RELCH: variants seen among roughly 807,000 people sequenced by gnomAD.
The protein encoded by RELCH is RAB11 binding and LisH domain, coiled-coil and HEAT repeat containing.
Under a neutral mutation model 150.3 loss-of-function variants are expected in RELCH, and 41 were observed. That is an observed-to-expected ratio of 0.27 (90% CI 0.21 to 0.35). The LOEUF (loss-of-function observed/expected upper bound fraction) is 0.35, where lower values mean the gene tolerates loss of function less well. RELCH is among the 10% of genes least tolerant of loss of function. The pLI is 1.00. For synonymous variants in RELCH, 478 were observed against 531.8 expected (o/e 0.90, Z 1.39); for missense variants, 1,092 against 1,467.8 (o/e 0.74, Z 4.18).
chr18:62,282,476 T>C (rs1009219050), intron 25 of RELCH, 32 bp downstream of exon 25: 1 of 1,605,880 alleles, frequency 6.2e-7, no homozygotes, highest in Non-Finnish European at 8.5e-7. Context: ...TTTTCCTGAA[T>C]TGTAATGTAA....
chr18:62,273,693 C>A (rs1568416526), intron 20 of RELCH, among the ~76,000 whole-genome samples: 1 of 152,098 alleles, frequency 6.6e-6, no homozygotes, highest in Non-Finnish European at 1.5e-5. Context: ...GGAACTGAAT[C>A]TTTCACTTTA....
chr18:62,309,849 G>T lies in RELCH; in HGVS notation c.*4315G>T, dbSNP rs529672955. ...GTAAAATATATGTAGTTTATAAACT[G>T]GTATTTTGTGTTGTGTGTTATGTAT... On this transcript the variant is annotated 3_prime_UTR_variant, in exon 29 of 29. Coordinates refer to ENST00000644646, the MANE Select transcript of RELCH (RefSeq NM_001346231.2). 2.0e-5 allele frequency: 3 copies of T among 152,224 alleles called. No individual in the cohort carries two copies. The highest frequency in any genetic ancestry group is 4.4e-5 in the Non-Finnish European group (3 of 68,002). 9.4% of individuals were successfully genotyped at this position (152,224 alleles called of 1,614,324 possible).
At chr18:62,251,445 A>C (rs1450439560) in intron 11 of RELCH, among the ~76,000 whole-genome samples, 12 of 152,340 alleles carry the variant, frequency 7.9e-5, no homozygotes, top group Middle Eastern at 3.4e-3. Flanking sequence ...GGGTCTCTCC[A>C]ACATGGCAGC....
At chr18:62,215,538 T>A (rs1459204541) in intron 2 of RELCH, among the ~76,000 whole-genome samples, 1 of 152,206 alleles carries the variant, frequency 6.6e-6, no homozygotes, top group Admixed American at 6.5e-5. Flanking sequence ...GAGGAAGGGA[T>A]CTCTAAAGGA....
intron 15 of RELCH, 88 bp from the exon 16 acceptor site, chr18:62,261,423 C>A: frequency 8.2e-7 from 1 of 1,224,196 alleles, no homozygotes; most frequent in Non-Finnish European, 1.2e-6. Context: ...CTTTGATTTG[C>A]CACAGTAAGG....
chr18:62,277,801 T>A, intron 22 of RELCH: 4 of 815,474 alleles, frequency 4.9e-6, no homozygotes, highest in Non-Finnish European at 5.9e-6. Flanking sequence ...TAAAATTATT[T>A]TATAAGAGGA....
intron 26 of RELCH, among the ~76,000 whole-genome samples, chr18:62,289,745 T>C (rs550332059): frequency 6.6e-6 from 1 of 152,364 alleles, no homozygotes; most frequent in East Asian, 1.9e-4. Context: ...TAAAGGTGTT[T>C]CCTAATATCT....
In RELCH at chr18:62,187,412, G is replaced by T; in HGVS notation, c.-94G>T. On this transcript the variant is annotated 5_prime_UTR_variant, in exon 1 of 29. Coordinates refer to ENST00000644646, the MANE Select transcript of RELCH (RefSeq NM_001346231.2). The stretch of plus-strand genomic sequence containing the variant: ...GGCAGGACGTGGTCAGGCCGGGGCT[G>T]TGGAGGTGCGCTGTGTCCCCTGAGG... The T allele has an allele frequency of 8.1e-7, 1 of 1,237,746 alleles. No individual in the cohort carries two copies. Among genetic ancestry groups the T allele is most frequent in the Admixed American group, 2.7e-5 (1 of 37,728 alleles). The allele number at this position is 1,237,746 out of a possible 1,614,324, so 76.7% of individuals were successfully genotyped here. A position where few individuals can be genotyped will look rare whatever the true frequency, so the allele number is the denominator to read the frequency against.
rs147295280 is a variant in RELCH, at chr18:62,226,041, A to G, written c.859-1248A>G. The stretch of plus-strand genomic sequence containing the variant: ...GCCCCCACTTGTAATACTCATATCT[A>G]CCTCGATTTAGTCCTCAATAATAGC... On this transcript the variant is annotated intron_variant, in intron 5 of 28. Transcript: ENST00000644646. Among the ~76,000 whole-genome samples, 237 of 152,064 alleles carry G rather than the reference A, an allele frequency of 1.6e-3. 1 individual carries two copies. Among genetic ancestry groups the G allele is most frequent in the African/African-American group, 5.3e-3 (221 of 41,524 alleles).
intron 27 of RELCH, among the ~76,000 whole-genome samples, chr18:62,297,081 A>C (rs976614779): frequency 1.3e-5 from 2 of 152,240 alleles, no homozygotes; most frequent in Non-Finnish European, 2.9e-5. Context: ...TAAAAGGATC[A>C]GATTCCCAGA....
chr18:62,291,270 C>T lies in RELCH; in HGVS notation c.3371-273C>T, dbSNP rs140675120. 1.6e-4 allele frequency among the ~76,000 whole-genome samples: 24 copies of T among 152,180 alleles called. 1 individual carries two copies. The highest frequency in any genetic ancestry group is 4.6e-4 in the African/African-American group (19 of 41,518). On this transcript the variant is annotated intron_variant, in intron 26 of 28. Coordinates refer to ENST00000644646, the MANE Select transcript of RELCH (RefSeq NM_001346231.2). ...ATTGGGTTACATGACTTAATTGTTACGCTCACTTTATACATTTCCATGACA... is the reference window on the plus strand; with the variant it reads ...ATTGGGTTACATGACTTAATTGTTATGCTCACTTTATACATTTCCATGACA...
At chr18:62,234,538 T>C (rs2041776347) in intron 10 of RELCH, among the ~76,000 whole-genome samples, 1 of 152,010 alleles carries the variant, frequency 6.6e-6, no homozygotes, top group African/African-American at 2.4e-5. Context: ...GGTATTTAAA[T>C]AAAATTTAAA....
At position 62,279,819 on chromosome 18, in the gene RELCH, G is replaced by C. The variant is rs765998626; in HGVS notation, c.3013G>C (p.Val1005Leu). 1 of 1,535,758 alleles carries C rather than the reference G, an allele frequency of 6.5e-7. No individual in the cohort carries two copies. The highest frequency in any genetic ancestry group is 1.2e-5 in the South Asian group (1 of 84,052). ...TGAAACTCTGGTAGCTCAGAGGGTT[G>C]TTCCTGCTCTCATTACTCTCTCCAG... ...VNETLVAQRV[V>L]PALITLSSDP... The change falls in exon 23 of 29, where the codon GTT becomes CTT. Residue 1005 changes from valine to leucine, a missense_variant. Around this residue, in one of 4 missense-constraint regions of RELCH, gnomAD observed 707 missense variants for 1,025.4 expected, o/e 0.69. Transcript: ENST00000644646.
intron 5 of RELCH, among the ~76,000 whole-genome samples, chr18:62,226,980 G>C (rs1369829526): frequency 1.3e-5 from 2 of 152,128 alleles, no homozygotes; most frequent in Admixed American, 1.3e-4. Flanking sequence ...TTAAAGCCAG[G>C]TGTTTGAGAC....
At chr18:62,253,708 C>A (rs894781603) in intron 12 of RELCH, among the ~76,000 whole-genome samples, 8 of 151,934 alleles carry the variant, frequency 5.3e-5, no homozygotes, top group African/African-American at 1.9e-4. Context: ...AAGTAGAAAC[C>A]CTAGATTCAA....
At chr18:62,286,778 T>C (rs1047053860) in intron 25 of RELCH, among the ~76,000 whole-genome samples, 6 of 152,194 alleles carry the variant, frequency 3.9e-5, no homozygotes, top group African/African-American at 1.4e-4. Flanking sequence ...TATTTAGCAG[T>C]AGGTTGAAAT....
intron 11 of RELCH, among the ~76,000 whole-genome samples, chr18:62,245,249 C>G (rs77787924): frequency 6.6e-6 from 1 of 152,126 alleles, no homozygotes; most frequent in African/African-American, 2.4e-5. Flanking sequence ...CCTACTAAGA[C>G]CTGATTACTT....
intron 13 of RELCH, among the ~76,000 whole-genome samples, chr18:62,256,619 G>A (rs967624895): frequency 6.6e-5 from 10 of 151,920 alleles, no homozygotes; most frequent in South Asian, 2.1e-4. Flanking sequence ...TGCCTTCTGC[G>A]TACCCCATTG....
At chr18:62,200,390 T>G (rs1204964190) in intron 1 of RELCH, among the ~76,000 whole-genome samples, 2 of 152,162 alleles carry the variant, frequency 1.3e-5, no homozygotes, top group Non-Finnish European at 2.9e-5. Context: ...ATAGCTTCAG[T>G]TCTCTCATCT....
Sources: allele counts gnomAD v4.1 joint callset (sites outside exome capture counted in the v4.1 genomes callset), GRCh38; gene constraint gnomAD v4.1.1; regional missense constraint gnomAD v4.1.1; transcripts MANE v1.5; gene names NCBI Gene and HGNC (gene_info 2026-07-23, HGNC 2026-07-21).